OPCML: variants seen among roughly 807,000 people sequenced by gnomAD.
OPCML encodes opioid binding protein/cell adhesion molecule like, also known as opioid-binding protein/cell adhesion molecule.
Under a neutral mutation model 37.8 loss-of-function variants are expected in OPCML, and 13 were observed. The observed-to-expected ratio is 0.34, with a 90% CI of 0.22 to 0.55. The LOEUF (loss-of-function observed/expected upper bound fraction) is 0.55. OPCML is among the 20% of genes least tolerant of loss of function. OPCML has a pLI of 0.91. For synonymous variants in OPCML, 176 were observed against 168.8 expected, an observed-to-expected ratio of 1.04 and a Z score of -0.33; for missense variants, 341 against 435.6, an observed-to-expected ratio of 0.78 and a Z score of 1.93.
intron 1 of OPCML, among the ~76,000 whole-genome samples, chr11:133,321,071 A>T (rs941853220): frequency 6.6e-6 from 1 of 152,150 alleles, no homozygotes; most frequent in Non-Finnish European, 1.5e-5. Flanking sequence ...CGGATAGGGC[A>T]TGTATCTGAA....
At chr11:132,613,618 G>A (rs934655958) in intron 3 of OPCML, among the ~76,000 whole-genome samples, 2 of 152,176 alleles carry the variant, frequency 1.3e-5, no homozygotes, top group African/African-American at 4.8e-5. Context: ...ACTAATCTTA[G>A]GGGTAACTAC....
chr11:133,008,965 G>A, intron 1 of OPCML: 1 of 985,372 alleles, frequency 1.0e-6, no homozygotes, highest in Non-Finnish European at 1.2e-6. Context: ...CTACATTACT[G>A]AGGAGATTAG....
intron 3 of OPCML, among the ~76,000 whole-genome samples, chr11:132,577,158 C>T (rs964669336): frequency 6.6e-6 from 1 of 152,104 alleles, no homozygotes; most frequent in Admixed American, 6.5e-5. Flanking sequence ...CACTTAACTT[C>T]TAGATTTCTC....
chr11:132,755,160 A>G (rs959769234), intron 2 of OPCML, among the ~76,000 whole-genome samples: 6 of 152,214 alleles, frequency 3.9e-5, no homozygotes, highest in African/African-American at 1.4e-4. Context: ...CAACCTAAAT[A>G]TAAGAAAGAC....
intron 2 of OPCML, among the ~76,000 whole-genome samples, chr11:132,744,940 G>A (rs1210525576): frequency 6.6e-6 from 1 of 151,866 alleles, no homozygotes; most frequent in East Asian, 2.0e-4. Flanking sequence ...AGAGCAGGCA[G>A]CTCATCAAGG....
intron 3 of OPCML, among the ~76,000 whole-genome samples, chr11:132,619,777 G>A (rs373007152): frequency 1.1e-4 from 16 of 150,898 alleles, no homozygotes; most frequent in South Asian, 6.3e-4. Flanking sequence ...GCATGAACCC[G>A]GGAGGCGGAG....
At chr11:132,443,266 A>C (rs551470996) in intron 4 of OPCML, among the ~76,000 whole-genome samples, 1 of 152,338 alleles carries the variant, frequency 6.6e-6, no homozygotes, top group South Asian at 2.1e-4. Flanking sequence ...TTCAGGAGGC[A>C]GCCACACAGG....
intron 2 of OPCML, among the ~76,000 whole-genome samples, chr11:132,804,648 G>C (rs1476205347): frequency 6.6e-6 from 1 of 152,174 alleles, no homozygotes; most frequent in Non-Finnish European, 1.5e-5. Context: ...GTAATGACTA[G>C]AAATAGAGCA....
chr11:133,455,151 A>G (rs1449184183), intron 1 of OPCML, among the ~76,000 whole-genome samples: 1 of 152,202 alleles, frequency 6.6e-6, no homozygotes, highest in Non-Finnish European at 1.5e-5. Context: ...TCTCCCACAA[A>G]GAGTTGAGGA....
intron 2 of OPCML, among the ~76,000 whole-genome samples, chr11:132,761,924 G>T (rs938091171): frequency 6.6e-6 from 1 of 152,128 alleles, no homozygotes; most frequent in Non-Finnish European, 1.5e-5. Context: ...TTTTGCACTG[G>T]TTTTTCCTCA....
At chr11:132,538,435 G>A (rs1591523167) in intron 3 of OPCML, among the ~76,000 whole-genome samples, 1 of 152,254 alleles carries the variant, frequency 6.6e-6, no homozygotes, top group East Asian at 1.9e-4. Flanking sequence ...TATTGATGGA[G>A]GTGGAGCTTC....
intron 4 of OPCML, among the ~76,000 whole-genome samples, chr11:132,494,278 A>G (rs1297708606): frequency 2.0e-5 from 3 of 152,208 alleles, no homozygotes; most frequent in Non-Finnish European, 4.4e-5. Context: ...GCTACTTATA[A>G]TAAAACTGCG....
At chr11:132,464,475 C>T (rs1215474316) in intron 4 of OPCML, among the ~76,000 whole-genome samples, 1 of 152,156 alleles carries the variant, frequency 6.6e-6, no homozygotes, top group Non-Finnish European at 1.5e-5. Context: ...TAGTTCATGG[C>T]TTAATCTCTA....
intron 2 of OPCML, among the ~76,000 whole-genome samples, chr11:132,863,431 G>T (rs1245710233): frequency 6.6e-6 from 1 of 152,138 alleles, no homozygotes; most frequent in African/African-American, 2.4e-5. Context: ...TTGAGTTGCT[G>T]GGTCTCAGCA....
intron 4 of OPCML, among the ~76,000 whole-genome samples, chr11:132,457,349 A>G (rs570544550): frequency 6.6e-6 from 1 of 152,338 alleles, no homozygotes; most frequent in South Asian, 2.1e-4. Flanking sequence ...TCTGCTCTTA[A>G]GACGCTTACA....
rs555511301 is a variant in OPCML, at chr11:133,395,088, T to C, written c.61+137176A>G. ...ATTTTAACTGGGGTGAGATGATATA[T>C]CATTGTAGTTTTGATTTGCATTTCT... On this transcript the variant is annotated intron_variant, in intron 1 of 7. Transcript: ENST00000524381. 3.9e-5 allele frequency among the ~76,000 whole-genome samples: 6 copies of C among 152,328 alleles called. No individual in the cohort carries two copies. In the South Asian group the frequency reaches 1.2e-3, roughly 32 times the overall value.
At chr11:132,606,886 T>G (rs2137816648) in intron 3 of OPCML, among the ~76,000 whole-genome samples, 1 of 152,330 alleles carries the variant, frequency 6.6e-6, no homozygotes, top group Non-Finnish European at 1.5e-5. Flanking sequence ...TTCTTTTTAT[T>G]ATTTCTGTTA....
At chr11:133,216,557 G>A (rs915386527) in intron 1 of OPCML, among the ~76,000 whole-genome samples, 2 of 152,086 alleles carry the variant, frequency 1.3e-5, no homozygotes, top group African/African-American at 4.8e-5. Flanking sequence ...CACCTATTTT[G>A]TATATTTTAT....
intron 3 of OPCML, among the ~76,000 whole-genome samples, chr11:132,559,513 G>A (rs915811942): frequency 2.6e-5 from 4 of 152,170 alleles, no homozygotes; most frequent in Admixed American, 6.5e-5. Flanking sequence ...CCAGCTTGCC[G>A]CTGGGGGGCA....
Sources: gnomAD v4.1 joint callset for allele counts (sites outside exome capture counted in the v4.1 genomes callset) on GRCh38, gnomAD v4.1.1 for gene constraint, MANE v1.5 for transcripts, NCBI Gene and HGNC (gene_info 2026-07-23, HGNC 2026-07-21) for gene names.